Variants in CCDC141 observed in about 807,000 individuals in gnomAD.
CCDC141 encodes coiled-coil domain containing 141.
Under a neutral mutation model 181.0 loss-of-function variants are expected in CCDC141, and 168 were observed. The ratio of observed to expected loss-of-function variants is 0.93; its 90% CI spans 0.82 to 1.05. The LOEUF (loss-of-function observed/expected upper bound fraction) is 1.05. Among genes scored for constraint, CCDC141 ranks in the 50% least tolerant of loss-of-function variants. CCDC141 has a pLI of 0.00. For missense variants in CCDC141, 1,902 were observed against 1,788.5 expected, an observed-to-expected ratio of 1.06 and a Z score of -1.14; for synonymous variants, 666 against 642.3, an observed-to-expected ratio of 1.04 and a Z score of -0.56.
the CCDC141 span, among the ~76,000 whole-genome samples, chr2:178,823,015 C>CACATGAAA: frequency 0.012 from 1,838 of 152,174 alleles, 44 homozygotes; most frequent in African/African-American, 0.041. Flanking sequence ...CATGTGTCCA[C>CACATGAAA]ATATGAAAAG....
chr2:178,900,621 C>T (rs532033321), intron 8 of CCDC141, among the ~76,000 whole-genome samples: 44 of 152,164 alleles, frequency 2.9e-4, no homozygotes, highest in Non-Finnish European at 5.7e-4. Context: ...GTCAATAGAA[C>T]CTCAAACACA....
chr2:178,822,920 T>C, the CCDC141 span, among the ~76,000 whole-genome samples: 2 of 152,218 alleles, frequency 1.3e-5, no homozygotes, highest in Non-Finnish European at 2.9e-5. Context: ...GTTATTAAAA[T>C]AACCATGTAA....
intron 2 of CCDC141, among the ~76,000 whole-genome samples, chr2:178,984,903 T>C (rs1207882886): frequency 6.6e-6 from 1 of 150,760 alleles, no homozygotes; most frequent in African/African-American, 2.4e-5. Flanking sequence ...ATTAGACAGA[T>C]CAACGAGACA....
chr2:178,844,079 A>C (rs1684835567), intron 22 of CCDC141, among the ~76,000 whole-genome samples: 1 of 152,226 alleles, frequency 6.6e-6, no homozygotes. Context: ...CAAGAAAATA[A>C]AAGCAAGAAA....
At chr2:178,849,943 G>T in intron 21 of CCDC141, 106 bp downstream of exon 21, 2 of 644,768 alleles carry the variant, frequency 3.1e-6, no homozygotes, top group Non-Finnish European at 5.5e-6. Context: ...TGCACATTAT[G>T]TACCCTGAGA....
chr2:178,955,316 A>T (rs1690115605), intron 5 of CCDC141, among the ~76,000 whole-genome samples: 1 of 151,732 alleles, frequency 6.6e-6, no homozygotes, highest in Non-Finnish European at 1.5e-5. Context: ...ATAATAATAA[A>T]CAGAAGTTCA....
intron 2 of CCDC141, among the ~76,000 whole-genome samples, chr2:178,985,563 C>A (rs1476405611): frequency 3.3e-5 from 5 of 151,522 alleles, no homozygotes; most frequent in African/African-American, 1.2e-4. Flanking sequence ...AATTGATAGA[C>A]TGCTAGCAAG....
intron 7 of CCDC141, among the ~76,000 whole-genome samples, chr2:178,911,727 T>C (rs1288543578): frequency 6.6e-6 from 1 of 152,228 alleles, no homozygotes; most frequent in Non-Finnish European, 1.5e-5. Flanking sequence ...CGACAAAAGT[T>C]TTTTGAACCT....
intron 2 of CCDC141, among the ~76,000 whole-genome samples, chr2:179,022,651 T>A (rs2042722109): frequency 6.6e-6 from 1 of 152,240 alleles, no homozygotes; most frequent in Admixed American, 6.5e-5. Flanking sequence ...ACTTAATTAC[T>A]CAGATAGTGC....
At chr2:178,862,539 C>G (rs765509666) in intron 17 of CCDC141, among the ~76,000 whole-genome samples, 1 of 152,108 alleles carries the variant, frequency 6.6e-6, no homozygotes, top group Non-Finnish European at 1.5e-5. Flanking sequence ...GTCTACTGTG[C>G]TTTGTGTATG....
intron 21 of CCDC141, among the ~76,000 whole-genome samples, chr2:178,849,034 C>G (rs1393697750): frequency 6.6e-6 from 1 of 151,830 alleles, no homozygotes; most frequent in Non-Finnish European, 1.5e-5. Flanking sequence ...AAAAAAAAAT[C>G]TAGATTTTTA....
chr2:178,993,697 G>C (rs1171932006), intron 2 of CCDC141, among the ~76,000 whole-genome samples: 3 of 152,142 alleles, frequency 2.0e-5, no homozygotes, highest in Non-Finnish European at 2.9e-5. Context: ...AAAGTCCACA[G>C]TCTAAAGTCT....
Position 178,870,380 on chromosome 2 carries a change from T to C in CCDC141, c.2205+1047A>G, listed in dbSNP as rs115029732. Among the ~76,000 whole-genome samples the C allele has an allele frequency of 4.3e-3, 656 of 151,676 alleles. 7 individuals are homozygous for C. The highest frequency in any genetic ancestry group is 0.015 in the African/African-American group (631 of 41,318). ...TTTCAGAAGAGTGACCTAAAAAGGG[T>C]CTTCAAGTTCAAGCATTTGGGCATT... On this transcript the variant is annotated intron_variant, in intron 14 of 23. Transcript: ENST00000443758.
At chr2:179,008,159 T>G (rs2042166090) in intron 2 of CCDC141, among the ~76,000 whole-genome samples, 1 of 152,352 alleles carries the variant, frequency 6.6e-6, no homozygotes, top group African/African-American at 2.4e-5. Flanking sequence ...TATGTATCTC[T>G]TGTTTTAATA....
chr2:178,901,294 A>G (rs968995918), intron 8 of CCDC141, among the ~76,000 whole-genome samples: 1 of 152,180 alleles, frequency 6.6e-6, no homozygotes, highest in Non-Finnish European at 1.5e-5. Context: ...CAAGGCAGAG[A>G]CACAACCAAA....
At chr2:178,941,609 A>C (rs1352357013) in intron 6 of CCDC141, among the ~76,000 whole-genome samples, 1 of 152,112 alleles carries the variant, frequency 6.6e-6, no homozygotes, top group African/African-American at 2.4e-5. Context: ...AATGCTTCAC[A>C]TAAATAAATA....
At position 178,922,741 on chromosome 2, in the gene CCDC141, A is replaced by G. The variant is rs568758879; in HGVS notation, c.898-3834T>C. Reference sequence around the variant, plus strand: ...CTTCAGTATAAATTTTGCAGACAACATTAAAGAAAGACCTTTGGAGTAGAG... The same window carrying G: ...CTTCAGTATAAATTTTGCAGACAACGTTAAAGAAAGACCTTTGGAGTAGAG... On this transcript the variant is annotated intron_variant, in intron 6 of 23. Coordinates refer to ENST00000443758, the MANE Select transcript of CCDC141 (RefSeq NM_173648.4). 8.1e-4 allele frequency among the ~76,000 whole-genome samples: 124 copies of G among 152,368 alleles called. 2 individuals carry two copies. Among genetic ancestry groups the G allele is most frequent in the African/African-American group, 2.7e-3 (111 of 41,594 alleles).
At chr2:178,848,236 G>A (rs1187359293) in intron 21 of CCDC141, among the ~76,000 whole-genome samples, 1 of 152,150 alleles carries the variant, frequency 6.6e-6, no homozygotes, top group Non-Finnish European at 1.5e-5. Context: ...GAAATCCCAG[G>A]GAGCATAGTA....
chr2:178,984,756 G>T (rs1304836165), intron 2 of CCDC141, among the ~76,000 whole-genome samples: 152 of 151,434 alleles, frequency 1.0e-3, no homozygotes, highest in African/African-American at 3.6e-3. Flanking sequence ...AATTCAACAA[G>T]AAGAGCTAAC....
Sources: gnomAD v4.1 joint callset for allele counts (sites outside exome capture counted in the v4.1 genomes callset) on GRCh38, gnomAD v4.1.1 for gene constraint, MANE v1.5 for transcripts, NCBI Gene and HGNC (gene_info 2026-07-23, HGNC 2026-07-21) for gene names.